MYO1B: variants seen among roughly 807,000 people sequenced by gnomAD.
MYO1B encodes unconventional myosin-Ib.
In MYO1B, 72 loss-of-function variants were observed where a neutral mutation model predicts 159.7. The ratio of observed to expected loss-of-function variants is 0.45; its 90% CI spans 0.37 to 0.55. MYO1B has a LOEUF of 0.55. Among genes scored for constraint, MYO1B ranks in the 20% least tolerant of loss-of-function variants. MYO1B has a pLI of 0.00. For missense variants in MYO1B, 1,062 were observed against 1,364.8 expected, an observed-to-expected ratio of 0.78 and a Z score of 3.50; for synonymous variants, 468 against 473.8, an observed-to-expected ratio of 0.99 and a Z score of 0.16.
intron 27 of MYO1B, among the ~76,000 whole-genome samples, chr2:191,412,847 A>G (rs1263450729): frequency 7.2e-5 from 1 of 13,924 alleles, no homozygotes; most frequent in East Asian, 0.031. Flanking sequence ...TTGTTTGGGA[A>G]AAAAAAAATT....
At chr2:191,296,821 G>A (rs960365251) in intron 3 of MYO1B, among the ~76,000 whole-genome samples, 9 of 152,108 alleles carry the variant, frequency 5.9e-5, no homozygotes, top group African/African-American at 9.7e-5. Flanking sequence ...CTTCGTTGAC[G>A]TGCTTAAGAG....
intron 1 of MYO1B, among the ~76,000 whole-genome samples, chr2:191,276,652 C>T (rs1219134308): frequency 6.6e-6 from 1 of 151,906 alleles, no homozygotes; most frequent in Non-Finnish European, 1.5e-5. Context: ...GTGGACTTCA[C>T]CAGGGAGGAT....
intron 3 of MYO1B, among the ~76,000 whole-genome samples, chr2:191,326,530 C>T (rs1574433037): frequency 6.6e-6 from 1 of 152,260 alleles, no homozygotes; most frequent in Non-Finnish European, 1.5e-5. Context: ...TAAATTTTCA[C>T]GTCACTTTGA....
In MYO1B at chr2:191,284,300, T is replaced by G. The variant is rs191358583; in HGVS notation, c.135+7270T>G. Among the ~76,000 whole-genome samples, 27 of 152,302 alleles carry G rather than the reference T, an allele frequency of 1.8e-4. No homozygotes were observed. The East Asian group carries it at 5.2e-3, about 29-fold the overall frequency. On this transcript the variant is annotated intron_variant, in intron 2 of 30. Coordinates refer to ENST00000392318, the MANE Select transcript of MYO1B (RefSeq NM_001130158.3). The stretch of plus-strand genomic sequence containing the variant: ...TGCAGAAAAATTTTAATAATCCTAA[T>G]TTCTAAAGAGAGGCTATTTTGTTGT...
At chr2:191,290,967 T>C (rs1688654846) in intron 2 of MYO1B, among the ~76,000 whole-genome samples, 1 of 152,192 alleles carries the variant, frequency 6.6e-6, no homozygotes, top group African/African-American at 2.4e-5. Context: ...GCTACAGACA[T>C]TGGTTTTCAA....
chr2:191,379,814 T>G (rs1306705541), intron 13 of MYO1B, among the ~76,000 whole-genome samples: 1 of 152,204 alleles, frequency 6.6e-6, no homozygotes, highest in Non-Finnish European at 1.5e-5. Flanking sequence ...TTCTGATATA[T>G]GGAATGCCTT....
intron 2 of MYO1B, among the ~76,000 whole-genome samples, chr2:191,287,914 C>T (rs1181236986): frequency 2.0e-5 from 3 of 147,780 alleles, no homozygotes; most frequent in Non-Finnish European, 3.0e-5. Flanking sequence ...TTATTCCAGT[C>T]GTAACTACTC....
At chr2:191,310,391 T>TTTAGTA in intron 3 of MYO1B, among the ~76,000 whole-genome samples, 1 of 151,948 alleles carries the variant, frequency 6.6e-6, no homozygotes, top group Non-Finnish European at 1.5e-5. Context: ...TTAGTAGAGA[T>TTTAGTA]GGGGTTTCAC....
At chr2:191,304,100 A>G (rs928077973) in intron 3 of MYO1B, among the ~76,000 whole-genome samples, 1 of 152,198 alleles carries the variant, frequency 6.6e-6, no homozygotes, top group Non-Finnish European at 1.5e-5. Context: ...TGCAATGTCC[A>G]TGTGGTGGTC....
intron 29 of MYO1B, 83 bp from the exon 30 acceptor site, chr2:191,416,032 T>C (rs923091585): frequency 1.4e-6 from 2 of 1,403,734 alleles, no homozygotes; most frequent in Admixed American, 4.3e-5. Context: ...AAAGAGACTG[T>C]AAGTATGTTT....
chr2:191,350,241 C>T lies in MYO1B; in HGVS notation c.562+16C>T. 1 of 1,592,090 alleles carries T rather than the reference C, an allele frequency of 6.3e-7. No homozygotes were observed. The highest frequency in any genetic ancestry group is 8.6e-7 in the Non-Finnish European group (1 of 1,160,940). ...ATAAGTAACTGTGAGTATTTTTCTT[C>T]AGTCCTTGTAAAGAAGTTCAGAATA... is the stretch of plus-strand genomic sequence containing the variant. On this transcript the variant is annotated intron_variant, in intron 7 of 30. Transcript: ENST00000392318.
In MYO1B at chr2:191,381,580, G is replaced by T. The variant is rs763121798; in HGVS notation, c.1290+14G>T. ...TATATACGGGAGGTAATGTTGAAAT[G>T]CTATTTTTAAAAGTGTTGGTCCTTT... On this transcript the variant is annotated intron_variant, in intron 14 of 30. Transcript: ENST00000392318. 1 of 1,567,948 alleles carries T rather than the reference G, an allele frequency of 6.4e-7. No homozygotes were observed. The highest frequency in any genetic ancestry group is 8.8e-7 in the Non-Finnish European group (1 of 1,141,676).
At chr2:191,406,955 G>A (rs988423977) in intron 24 of MYO1B, among the ~76,000 whole-genome samples, 1 of 152,320 alleles carries the variant, frequency 6.6e-6, no homozygotes, top group South Asian at 2.1e-4. Flanking sequence ...GAGGGACCAG[G>A]TTGGTCGTAC....
rs1451328081 is a variant in MYO1B at position 191,350,216 on chromosome 2, A to G, written c.553A>G (p.Ile185Val). Residue 185 changes from isoleucine (I) to valine (V), a missense_variant, in exon 7 of 31, where the codon ATA (isoleucine) becomes GTA (valine). By Grantham distance (29) the Ile-to-Val change is conservative. Transcript: ENST00000392318. ...DFKGDPLGGVISNYLLEKSRV... is the reference protein window; with the variant it reads ...DFKGDPLGGVVSNYLLEKSRV... Reference sequence around the variant, plus strand: ...TAAAGGCGATCCACTAGGAGGAGTAATAAGTAACTGTGAGTATTTTTCTTC... The same window carrying G: ...TAAAGGCGATCCACTAGGAGGAGTAGTAAGTAACTGTGAGTATTTTTCTTC... 6.2e-7 allele frequency: 1 copy of G among 1,611,882 alleles called. No homozygotes were observed. The highest frequency in any genetic ancestry group is 2.2e-5 in the East Asian group (1 of 44,676).
intron 13 of MYO1B, among the ~76,000 whole-genome samples, chr2:191,373,065 T>A (rs970380595): frequency 6.6e-6 from 1 of 151,956 alleles, no homozygotes; most frequent in Non-Finnish European, 1.5e-5. Context: ...TTGGCCAGGA[T>A]GGTCTCGATC....
intron 3 of MYO1B, among the ~76,000 whole-genome samples, chr2:191,319,691 T>A (rs1048792211): frequency 6.6e-6 from 1 of 152,176 alleles, no homozygotes; most frequent in African/African-American, 2.4e-5. Flanking sequence ...GAACTGCTGC[T>A]AAGACATCTA....
chr2:191,420,077 C>T (rs1194882865), intron 30 of MYO1B, among the ~76,000 whole-genome samples: 2 of 152,086 alleles, frequency 1.3e-5, no homozygotes, highest in Admixed American at 6.6e-5. Context: ...TGACACACAC[C>T]TGTAGTCCCA....
At chr2:191,377,133 C>T (rs1429384280) in intron 13 of MYO1B, among the ~76,000 whole-genome samples, 1 of 152,068 alleles carries the variant, frequency 6.6e-6, no homozygotes, top group African/African-American at 2.4e-5. Context: ...TTATATACTT[C>T]TAAACATAGT....
intron 2 of MYO1B, among the ~76,000 whole-genome samples, chr2:191,291,767 G>A (rs527804222): frequency 2.0e-5 from 3 of 152,174 alleles, no homozygotes; most frequent in Non-Finnish European, 4.4e-5. Flanking sequence ...TGATTCACAA[G>A]TCCAAATGTT....
Sources: allele counts gnomAD v4.1 joint callset (sites outside exome capture counted in the v4.1 genomes callset), GRCh38; gene constraint gnomAD v4.1.1; transcripts MANE v1.5; gene names NCBI Gene and HGNC (gene_info 2026-07-23, HGNC 2026-07-21).